ZNF558: variants seen among roughly 807,000 people sequenced by gnomAD.
ZNF558 encodes zinc finger protein 558.
ZNF558 carries 23 observed loss-of-function variants against 37.6 expected under a neutral mutation model. That is an observed-to-expected ratio of 0.61 (90% CI 0.44 to 0.87). The LOEUF is 0.87. ZNF558 is among the 40% of genes least tolerant of loss of function. The pLI is 0.00. For synonymous variants in ZNF558, 189 were observed against 174.4 expected (o/e 1.08, Z -0.66); for missense variants, 429 against 483.7 (o/e 0.89, Z 1.06).
rs1259694448 is a variant in ZNF558 at position 8,811,076 on chromosome 19, T to G, written c.*205A>C. On this transcript the variant is annotated 3_prime_UTR_variant, in exon 10 of 10. Transcript: ENST00000601372. ...AGTAAAGGCATGAGAGATCCTGCAG[T>G]GTAACTACAGAGATAAGCTGTTCTT... The G allele has an allele frequency of 1.9e-6, 1 of 527,014 alleles. No homozygotes were observed. Among genetic ancestry groups the G allele is most frequent in the African/African-American group, 1.9e-5 (1 of 52,164 alleles). The allele number at this position is 527,014 out of a possible 1,614,324, so 32.6% of individuals were successfully genotyped here.
At chr19:8,837,096 T>G (rs975667326), upstream of ZNF558, among the ~76,000 whole-genome samples, 1 of 152,198 alleles carries the variant, frequency 6.6e-6, no homozygotes, top group Non-Finnish European at 1.5e-5. Context: ...AATGGCCAGT[T>G]TGTCAAGACA....
rs1555767825 is a variant in ZNF558 at position 8,811,301 on chromosome 19, T to A, written c.1189A>T (p.Ile397Leu). ...GTAATTCATATCCATCTATTATGTA[T>A]TCTCTTGTGCACAGAAAGATAGGAG... is the stretch of plus-strand genomic sequence containing the variant. ...SNSYLSVHKR[I>L]HNRWI Residue 397 changes from isoleucine to leucine, a missense_variant, in exon 10 of 10, where the codon ATA (isoleucine) becomes TTA (leucine). Coordinates refer to ENST00000601372, the MANE Select transcript of ZNF558 (RefSeq NM_144693.3). 1 of 1,585,902 alleles carries A rather than the reference T, an allele frequency of 6.3e-7. No individual in the cohort carries two copies. Among genetic ancestry groups the A allele is most frequent in the Admixed American group, 1.8e-5 (1 of 55,346 alleles).
upstream of ZNF558, among the ~76,000 whole-genome samples, chr19:8,835,048 GTTTTT>G (rs777643019): frequency 7.0e-6 from 1 of 142,222 alleles, no homozygotes; most frequent in African/African-American, 2.6e-5. Flanking sequence ...TGAACAAAGA[GTTTTT>G]TTTTTTTTTT....
In ZNF558 at chr19:8,811,476, G is replaced by A. The variant is rs782633942; in HGVS notation, c.1014C>T (p.His338=). The change falls in exon 10 of 10, where the codon CAC becomes CAT. Residue 338 remains histidine, a synonymous_variant. Coordinates refer to ENST00000601372, the MANE Select transcript of ZNF558 (RefSeq NM_144693.3). ...SFSSSFSLTV[H]KRIHTGEKPY... ...GTTTCTCTCCGGTATGTATTCTCTT[G>A]TGCACAGTAAGAGAAAAGCTACTGC... 2 of 1,614,122 alleles carry A rather than the reference G, an allele frequency of 1.2e-6. No individual in the cohort carries two copies. The highest frequency in any genetic ancestry group is 1.7e-5 in the Admixed American group (1 of 60,020).
rs1163548716 is a variant in ZNF558, at chr19:8,821,235, T to C, written c.192A>G (p.Gln64=). ...QEEWALLDPA[Q]RTLYRDVMLE... is the part of the protein sequence containing the mutation. ...GCATCACATCCCTGTACAGTGTCCT[T>C]TGGGCAGGGTCCAGCAACGCCCACT... The change falls in exon 7 of 10, where the codon CAA becomes CAG. Residue 64 remains glutamine (Q), a synonymous_variant. Transcript: ENST00000601372. 5 of 1,614,128 alleles carry C rather than the reference T, an allele frequency of 3.1e-6. No individual in the cohort carries two copies. Among genetic ancestry groups the C allele is most frequent in the Non-Finnish European group, 4.2e-6 (5 of 1,180,018 alleles).
At chr19:8,829,590 CA>C (rs1422037080) in intron 2 of ZNF558, among the ~76,000 whole-genome samples, 1 of 152,142 alleles carries the variant, frequency 6.6e-6, no homozygotes, top group East Asian at 1.9e-4. Flanking sequence ...TTATGTAGGA[CA>C]GGGGCCATTT....
intron 2 of ZNF558, among the ~76,000 whole-genome samples, chr19:8,825,593 T>C (rs2044213158): frequency 1.3e-5 from 2 of 150,124 alleles, no homozygotes; most frequent in African/African-American, 2.5e-5. Flanking sequence ...TCCAGATTTA[T>C]AGAATAAAAC....
intron 2 of ZNF558, among the ~76,000 whole-genome samples, chr19:8,828,658 T>C (rs954486541): frequency 1.3e-5 from 2 of 152,132 alleles, no homozygotes; most frequent in African/African-American, 4.8e-5. Context: ...TAACTTACCA[T>C]TGCCTTCAGA....
At chr19:8,836,470 C>A (rs77786966), upstream of ZNF558, among the ~76,000 whole-genome samples, 2 of 150,284 alleles carry the variant, frequency 1.3e-5, no homozygotes, top group Admixed American at 1.3e-4. Context: ...CTCCTCCCCC[C>A]CTCTCCTCCT....
At chr19:8,827,000 G>T (rs2044246953) in intron 2 of ZNF558, among the ~76,000 whole-genome samples, 1 of 152,108 alleles carries the variant, frequency 6.6e-6, no homozygotes, top group Non-Finnish European at 1.5e-5. Flanking sequence ...TGGGGAGTGA[G>T]GGGGGGTTGG....
rs1221815090 is a variant in ZNF558 at position 8,807,872 on chromosome 19, G to C, written c.*3409C>G. The C allele has an allele frequency of 1.3e-5, 2 of 152,134 alleles. No individual in the cohort carries two copies. Among genetic ancestry groups the C allele is most frequent in the Non-Finnish European group, 2.9e-5 (2 of 68,034 alleles). 9.4% of individuals were successfully genotyped at this position (152,134 alleles called of 1,614,324 possible). A position where few individuals can be genotyped will look rare whatever the true frequency, so the allele number is the denominator to read the frequency against. Reference sequence around the variant, plus strand: ...CAGAACATACTCCGTTAATAGGGTAGTGGTTAAGTGCATGGACTGTCTGGG... The same window carrying C: ...CAGAACATACTCCGTTAATAGGGTACTGGTTAAGTGCATGGACTGTCTGGG... On this transcript the variant is annotated 3_prime_UTR_variant, in exon 10 of 10. Transcript: ENST00000601372.
At chr19:8,820,178 G>C (rs565816978) in intron 7 of ZNF558, among the ~76,000 whole-genome samples, 1 of 152,160 alleles carries the variant, frequency 6.6e-6, no homozygotes, top group Admixed American at 6.5e-5. Flanking sequence ...CTCCTGCATT[G>C]GCGGGAACGT....
Position 8,821,261 on chromosome 19 carries a change from C to T in ZNF558, c.166G>A (p.Glu56Lys). The T allele has an allele frequency of 6.2e-7, 1 of 1,614,208 alleles. No individual in the cohort carries two copies. The highest frequency in any genetic ancestry group is 2.2e-5 in the East Asian group (1 of 44,884). Residue 56 changes from glutamate to lysine, a missense_variant, in exon 7 of 10, where the codon GAG (glutamate) becomes AAG (lysine). Glu to Lys is a moderately conservative substitution (Grantham distance 56). Transcript: ENST00000601372. ...TGGGCAGGGTCCAGCAACGCCCACT[C>T]CTCCTGGGTGAACTCCACGGCCACA... ...EDVAVEFTQEEWALLDPAQRT... is the reference protein window; with the variant it reads ...EDVAVEFTQEKWALLDPAQRT...
chr19:8,824,665 G>A (rs1234924482), intron 3 of ZNF558, among the ~76,000 whole-genome samples: 1 of 152,126 alleles, frequency 6.6e-6, no homozygotes, highest in African/African-American at 2.4e-5. Flanking sequence ...CTTCTCCGCA[G>A]GGCTTGCTGG....
At chr19:8,826,081 T>C (rs1010569219) in intron 2 of ZNF558, among the ~76,000 whole-genome samples, 1 of 151,988 alleles carries the variant, frequency 6.6e-6, no homozygotes, top group Non-Finnish European at 1.5e-5. Context: ...CCTGCTGGTG[T>C]TGATGATGGA....
intron 2 of ZNF558, among the ~76,000 whole-genome samples, chr19:8,825,764 T>C (rs2044218001): frequency 6.6e-6 from 1 of 152,092 alleles, no homozygotes; most frequent in African/African-American, 2.4e-5. Flanking sequence ...GAGGGAGTCT[T>C]TGGCTCTTGG....
chr19:8,822,033 C>T lies in ZNF558; in HGVS notation c.90G>A (p.Leu30=), dbSNP rs558337706. Residue 30 remains leucine, a synonymous_variant, in exon 6 of 10, where the codon CTG becomes CTA. Transcript: ENST00000601372. This position sits in a 1 kb window ranked among gnomAD's most constrained non-coding sequence, Gnocchi z 4.4. The part of the protein sequence containing the change: ...QQKGHTQGGE[L]VNELLTSWLR... Reference sequence around the variant, plus strand: ...GCCAGCTTGTCAGGAGCTCATTAACCAGCTCTCCGCCCTGTGTGTGTCCTT... The same window carrying T: ...GCCAGCTTGTCAGGAGCTCATTAACTAGCTCTCCGCCCTGTGTGTGTCCTT... 4.2e-5 allele frequency: 67 copies of T among 1,614,022 alleles called. 1 individual carries two copies. The East Asian group carries it at 1.4e-3, about 34-fold the overall frequency.
intron 4 of ZNF558, among the ~76,000 whole-genome samples, chr19:8,823,089 T>C (rs1471267834): frequency 1.3e-5 from 2 of 152,086 alleles, no homozygotes; most frequent in East Asian, 1.9e-4. Context: ...TCCCAGCTCC[T>C]GGAGGATGTC....
At chr19:8,821,070 ATGG>A in intron 7 of ZNF558, 107 bp downstream of exon 7, 1 of 1,470,598 alleles carries the variant, frequency 6.8e-7, no homozygotes, top group Non-Finnish European at 9.1e-7. Context: ...ATGGTTAAAA[ATGG>A]TGAATTTTAT....
Sources: allele counts gnomAD v4.1 joint callset (sites outside exome capture counted in the v4.1 genomes callset), GRCh38; gene constraint gnomAD v4.1.1; non-coding constraint Gnocchi (gnomAD v3.1); transcripts MANE v1.5; gene names NCBI Gene and HGNC (gene_info 2026-07-23, HGNC 2026-07-21).